The following RBBP7 variants were observed in gnomAD, a reference collection of about 807,000 sequenced individuals.
RBBP7 encodes the protein RB binding protein 7, chromatin remodeling factor, also known as histone-binding protein RBBP7.
In RBBP7, 5 loss-of-function variants were observed where a neutral mutation model predicts 35.2. That is an observed-to-expected ratio of 0.14 (90% confidence interval 0.07 to 0.30). The LOEUF (loss-of-function observed/expected upper bound fraction) is 0.30, where lower values mean the gene tolerates loss of function less well. Ranked by LOEUF, RBBP7 falls within the 10% of genes least tolerant of loss-of-function variation. The pLI is 1.00. For missense variants in RBBP7, 155 were observed against 327.5 expected, an observed-to-expected ratio of 0.47 and a Z score of 4.07; for synonymous variants, 140 against 118.7, an observed-to-expected ratio of 1.18 and a Z score of -1.17.
At chrX:16,851,124 CAA>C (rs139028984) in intron 9 of RBBP7, among the ~76,000 whole-genome samples, 70 of 79,903 alleles carry the variant, frequency 8.8e-4, no homozygotes, top group Middle Eastern at 6.9e-3. Flanking sequence ...ATTCAGTCTC[CAA>C]AAAAAAAAAA....
At chrX:16,855,786 C>T (rs781276838) in intron 5 of RBBP7, among the ~76,000 whole-genome samples, 2 of 109,093 alleles carry the variant, frequency 1.8e-5, no homozygotes, top group East Asian at 2.9e-4. Flanking sequence ...CACTTGAGCC[C>T]GGGAGTTCAA....
Position 16,845,764 on chromosome X carries a change from C to T in RBBP7, c.1209+64G>A, listed in dbSNP as rs180867106. On this transcript the variant is annotated intron_variant, in intron 11 of 11. Transcript: ENST00000380087. Reference sequence around the variant, plus strand: ...CTACATATTCGAAATAACTTTATTACATTATGTAAGTAGTAAATCTCTCCT... The same window carrying T: ...CTACATATTCGAAATAACTTTATTATATTATGTAAGTAGTAAATCTCTCCT... The T allele has an allele frequency of 1.1e-4, 125 of 1,146,883 alleles. No individual in the cohort carries two copies. The African/African-American group carries it at 2.1e-3, about 20-fold the overall frequency. 94.5% of individuals were successfully genotyped at this position (1,146,883 alleles called of 1,213,427 possible). A position where few individuals can be genotyped will look rare whatever the true frequency, so the allele number is the denominator to read the frequency against.
At chrX:16,852,182 T>C (rs1930225165) in intron 8 of RBBP7, 60 bp from the exon 9 acceptor site, 2 of 970,844 alleles carry the variant, frequency 2.1e-6, no homozygotes, top group Non-Finnish European at 2.9e-6. Context: ...GGTTTGTGGC[T>C]GTTGTTCTAA....
At chrX:16,845,679 T>C (rs1028603255) in intron 11 of RBBP7, 149 bp downstream of exon 11, 3 of 1,037,921 alleles carry the variant, frequency 2.9e-6, no homozygotes, top group African/African-American at 1.9e-5. Context: ...AAAGATTGTA[T>C]TGTTGAAATG....
chrX:16,846,434 CCT>C (rs1930079980), intron 10 of RBBP7: 1 of 111,754 alleles, frequency 8.9e-6, no homozygotes, highest in East Asian at 2.8e-4. Context: ...TGGTTCTTCC[CCT>C]CTCCACTTTA....
Position 16,862,965 on chromosome X carries a change from A to G in RBBP7, c.297T>C (p.Ser99=), listed in dbSNP as rs759770369. ...DAQFDASHCD[S]DKGEFGGFGS... ...ATATGATATACCTACCACCCTTGTC[A>G]CTGTCACAATGGGAAGCATCAAACT... The change falls in exon 3 of 12, where the codon AGT becomes AGC. Residue 99 remains serine (S), a synonymous_variant. Coordinates refer to ENST00000380087, the MANE Select transcript of RBBP7 (RefSeq NM_002893.4). 5.8e-6 allele frequency: 7 copies of G among 1,209,300 alleles called. No homozygotes were observed. In the African/African-American group the frequency reaches 1.2e-4, roughly 21 times the overall value.
chrX:16,861,408 T>C (rs1205401735), intron 3 of RBBP7, among the ~76,000 whole-genome samples: 1 of 111,785 alleles, frequency 8.9e-6, no homozygotes, highest in East Asian at 2.8e-4. Context: ...TGGAGTGCAG[T>C]GGTGTGATCC....
intron 9 of RBBP7, among the ~76,000 whole-genome samples, chrX:16,849,614 A>C (rs1299839100): frequency 8.9e-6 from 1 of 112,039 alleles, no homozygotes; most frequent in African/African-American, 3.2e-5. Context: ...ATTTGGTGTA[A>C]GGACGGGATG....
intron 9 of RBBP7, among the ~76,000 whole-genome samples, chrX:16,850,382 C>A (rs927219172): frequency 5.1e-4 from 58 of 112,741 alleles, no homozygotes; most frequent in African/African-American, 1.8e-3. Flanking sequence ...AGAAATAATT[C>A]TAAGAAGAAA....
Position 16,862,974 on chromosome X carries a change from A to G in RBBP7, c.288T>C (p.His96=), listed in dbSNP as rs1350280164. The change falls in exon 3 of 12, where the codon CAT becomes CAC. Residue 96 remains histidine (H), a synonymous_variant. Transcript: ENST00000380087. ...PNDDAQFDAS[H]CDSDKGEFGG... is the part of the protein sequence containing the mutation. ...ACCTACCACCCTTGTCACTGTCACA[A>G]TGGGAAGCATCAAACTGTGCATCAT... 4.1e-6 allele frequency: 5 copies of G among 1,211,492 alleles called. No homozygotes were observed. Among genetic ancestry groups the G allele is most frequent in the Non-Finnish European group, 4.5e-6 (4 of 895,190 alleles).
chrX:16,858,525 C>T (rs1029783446), intron 4 of RBBP7, 151 bp downstream of exon 4: 4 of 871,134 alleles, frequency 4.6e-6, no homozygotes, highest in Non-Finnish European at 6.1e-6. Flanking sequence ...GTAGTTCTGG[C>T]AAATCCCTGA....
chrX:16,869,171 G>T lies in RBBP7; in HGVS notation c.66C>A (p.Ile22=), dbSNP rs72616027. Residue 22 remains isoleucine, a synonymous_variant, in exon 2 of 12, where the codon ATC becomes ATA. Transcript: ENST00000380087. Reference sequence around the variant, plus strand: ...ATAGAAACGGTGTATTCTTCTTCCAGATTTTATATTCTTCATTGATGACAC... The same window carrying T: ...ATAGAAACGGTGTATTCTTCTTCCATATTTTATATTCTTCATTGATGACAC... The part of the protein sequence containing the change: ...EERVINEEYK[I]WKKNTPFLYD... 1,251 of 1,208,285 alleles carry T rather than the reference G, an allele frequency of 1.0e-3. 17 individuals are homozygous for T. The East Asian group carries it at 0.033, about 31-fold the overall frequency.
At chrX:16,852,674 G>C (rs368553513) in intron 7 of RBBP7, 46 bp from the exon 8 acceptor site, 30 of 1,207,063 alleles carry the variant, frequency 2.5e-5, no homozygotes, top group African/African-American at 1.4e-4. Flanking sequence ...CTTTACCTAA[G>C]AATTTTCAAA....
intron 9 of RBBP7, among the ~76,000 whole-genome samples, chrX:16,850,564 G>A (rs913779441): frequency 3.6e-5 from 4 of 112,617 alleles, no homozygotes; most frequent in Non-Finnish European, 7.5e-5. Context: ...CCAACTGTCT[G>A]CTTTAAAGGT....
At chrX:16,869,996 C>A (rs1930741394) in intron 1 of RBBP7, 42 bp downstream of exon 1, 5 of 771,174 alleles carry the variant, frequency 6.5e-6, no homozygotes, top group Non-Finnish European at 7.7e-6. Flanking sequence ...CGCCCGCCGC[C>A]CCCCGCGGCC....
At chrX:16,848,804 C>G (rs1930146947) in intron 10 of RBBP7, 1 of 113,170 alleles carries the variant, frequency 8.8e-6, no homozygotes, top group Admixed American at 9.5e-5. Context: ...ATGCTTCAAT[C>G]AGGCATGGGA....
At chrX:16,859,760 C>G (rs1229543398) in intron 3 of RBBP7, among the ~76,000 whole-genome samples, 2 of 111,679 alleles carry the variant, frequency 1.8e-5, no homozygotes, top group Non-Finnish European at 3.8e-5. Context: ...ACAACTAACA[C>G]AAATGCCTAC....
At chrX:16,846,152 G>GTA in intron 10 of RBBP7, 1 of 443,407 alleles carries the variant, frequency 2.3e-6, no homozygotes. Context: ...ATGGATACCT[G>GTA]TATACCCTTT....
Position 16,844,818 on chromosome X carries a change from TG to T in RBBP7, c.*216del. On this transcript the variant is annotated 3_prime_UTR_variant, in exon 12 of 12. Coordinates refer to ENST00000380087, the MANE Select transcript of RBBP7 (RefSeq NM_002893.4). ...CCCTGCTACTTGTATTTAAAATCAA[TG>T]GTGATGTTCTTTCTTAAGCAACATT... The T allele has an allele frequency of 3.2e-6, 1 of 315,558 alleles. No individual in the cohort carries two copies. The highest frequency in any genetic ancestry group is 5.5e-6 in the Non-Finnish European group (1 of 180,382). The allele number at this position is 315,558 out of a possible 1,213,427, so 26.0% of individuals were successfully genotyped here.
Sources: gnomAD v4.1 joint callset for allele counts (sites outside exome capture counted in the v4.1 genomes callset) on GRCh38, gnomAD v4.1.1 for gene constraint, MANE v1.5 for transcripts, NCBI Gene and HGNC (gene_info 2026-07-23, HGNC 2026-07-21) for gene names.